The following GALC variants were observed in gnomAD, a reference collection of about 807,000 sequenced individuals.
GALC encodes galactosylceramidase.
GALC carries 77 observed loss-of-function variants against 91.8 expected under a neutral mutation model. The ratio of observed to expected loss-of-function variants is 0.84; its 90% CI spans 0.70 to 1.01. The LOEUF is 1.01. Among genes scored for constraint, GALC ranks in the 50% least tolerant of loss-of-function variants. The probability of loss-of-function intolerance (pLI) is 0.00; values close to 1 mark genes in which losing one functional copy is unlikely to be tolerated. For missense variants in GALC, 882 were observed against 855.9 expected (o/e 1.03, Z -0.38); for synonymous variants, 357 against 306.7 (o/e 1.16, Z -1.71).
At chr14:87,958,325 T>G (rs1756232184) in intron 10 of GALC, among the ~76,000 whole-genome samples, 1 of 152,080 alleles carries the variant, frequency 6.6e-6, no homozygotes. Flanking sequence ...GTCCAATAAG[T>G]TAAGATGTAT....
In GALC at chr14:87,934,177, TTCAAAAGTA is replaced by T; in HGVS notation, c.*546_*554del. On this transcript the variant is annotated 3_prime_UTR_variant, in exon 17 of 17. Transcript: ENST00000261304. ...TCATCCCACTCATCATATCCTGCAT[TTCAAAAGTA>T]TCATCTTAAAAAGGAAAATAAAAAA... The T allele has an allele frequency of 7.2e-7, 1 of 1,397,866 alleles. No homozygotes were observed. The highest frequency in any genetic ancestry group is 1.5e-5 in the African/African-American group (1 of 68,534). 86.6% of individuals were successfully genotyped at this position (1,397,866 alleles called of 1,614,324 possible).
intron 7 of GALC, among the ~76,000 whole-genome samples, chr14:87,972,441 A>C (rs750188961): frequency 6.6e-6 from 1 of 152,136 alleles, no homozygotes; most frequent in Non-Finnish European, 1.5e-5. Context: ...TCAGTAACCA[A>C]GCTTCTTGGG....
At chr14:87,972,825 C>G (rs1422557171) in intron 7 of GALC, among the ~76,000 whole-genome samples, 1 of 151,932 alleles carries the variant, frequency 6.6e-6, no homozygotes. Context: ...CAAAGTATAA[C>G]TGGTGCTTCT....
intron 10 of GALC, chr14:87,954,730 T>A (rs1415384006): frequency 6.4e-7 from 1 of 1,560,598 alleles, no homozygotes; most frequent in African/African-American, 1.4e-5. Context: ...TAGCTCTAAA[T>A]GCTCACAGTT....
At chr14:87,968,518 G>A (rs1293584317) in intron 7 of GALC, 28 bp from the exon 8 acceptor site, 2 of 1,611,420 alleles carry the variant, frequency 1.2e-6, no homozygotes, top group Admixed American at 3.3e-5. Context: ...GGAAGTCAAT[G>A]AAAAAAGGTC....
chr14:87,955,249 A>G (rs888032429), intron 10 of GALC: 2 of 873,998 alleles, frequency 2.3e-6, no homozygotes, highest in Non-Finnish European at 3.9e-6. Flanking sequence ...AAGTACTGAA[A>G]TGATTTGTCT....
At position 87,941,544 on chromosome 14, in the gene GALC, A is replaced by G. The variant is rs398607; in HGVS notation, c.1685T>C (p.Ile562Thr). ...GGTCTCTATGTATACATCACACTTTATAGTCAGATTGGTCCTGCAAAATAA... is the reference window on the plus strand; with the variant it reads ...GGTCTCTATGTATACATCACACTTTGTAGTCAGATTGGTCCTGCAAAATAA... ...IGDYNWTNLT[I>T]KCDVYIETPD... The change falls in exon 15 of 17, where the codon ATA becomes ACA. Residue 562 changes from isoleucine (I) to threonine (T), a missense_variant. By Grantham distance (89) the Ile-to-Thr change is moderately conservative (BLOSUM62 -1). Transcript: ENST00000261304. 733,555 of 1,576,428 alleles carry G rather than the reference A, an allele frequency of 0.47. 174,846 individuals are homozygous for G. The highest frequency in any genetic ancestry group is 0.61 in the African/African-American group (44,866 of 74,040).
intron 8 of GALC, among the ~76,000 whole-genome samples, chr14:87,966,237 T>C (rs1595215938): frequency 6.6e-6 from 1 of 152,324 alleles, no homozygotes; most frequent in East Asian, 1.9e-4. Flanking sequence ...GCCGTAGTAT[T>C]GCTATTAAAT....
Position 87,934,642 on chromosome 14 carries a change from T to C in GALC, c.*90A>G. On this transcript the variant is annotated 3_prime_UTR_variant, in exon 17 of 17. Coordinates refer to ENST00000261304, the MANE Select transcript of GALC (RefSeq NM_000153.4). ...TATTTTTAGTCTCAAAAGCCTCATA[T>C]ACTGTTCCAATGAAACAAGAATTGG... 1 of 1,605,386 alleles carries C rather than the reference T, an allele frequency of 6.2e-7. No homozygotes were observed. Among genetic ancestry groups the C allele is most frequent in the South Asian group, 1.1e-5 (1 of 90,504 alleles).
In GALC at chr14:87,936,914, T is replaced by TATATATATATATATATATATATATATATA. The variant is rs60680373; in HGVS notation, c.1912-2037_1912-2036insTATATATATATATATATATATATATATAT. 1.9e-3 allele frequency among the ~76,000 whole-genome samples: 205 copies of TATATATATATATATATATATATATATATA among 105,562 alleles called. 19 individuals carry two copies. Among genetic ancestry groups the TATATATATATATATATATATATATATATA allele is most frequent in the African/African-American group, 7.1e-3 (182 of 25,528 alleles). The allele number at this position is 105,562 out of a possible 152,430, so 69.3% of individuals were successfully genotyped here. A position where few individuals can be genotyped will look rare whatever the true frequency, so the allele number is the denominator to read the frequency against. On this transcript the variant is annotated intron_variant, in intron 16 of 16. Transcript: ENST00000261304. ...TCAGGTACTATATATATATATATAT[T>TATATATATATATATATATATATATATATA]TATTTATTTTCTCATTGAATCTTCA...
chr14:87,992,818 C>G, intron 1 of GALC, 152 bp downstream of exon 1: 1 of 1,402,754 alleles, frequency 7.1e-7, no homozygotes, highest in Non-Finnish European at 9.2e-7. Context: ...GCAGCGGGCC[C>G]GCCCCAACCG....
chr14:87,985,031 T>A (rs1330341165), intron 4 of GALC, among the ~76,000 whole-genome samples: 1 of 152,208 alleles, frequency 6.6e-6, no homozygotes, highest in Non-Finnish European at 1.5e-5. Flanking sequence ...TCAGGCAATC[T>A]AATTTAGCAA....
intron 4 of GALC, 132 bp from the exon 5 acceptor site, chr14:87,984,665 T>C (rs1378951460): frequency 1.3e-6 from 1 of 793,454 alleles, no homozygotes; most frequent in Non-Finnish European, 2.1e-6. Flanking sequence ...TAAAGGAAAG[T>C]TTATATACCA....
chr14:87,961,542 T>C (rs1595211165), intron 10 of GALC, among the ~76,000 whole-genome samples: 1 of 152,158 alleles, frequency 6.6e-6, no homozygotes, highest in East Asian at 1.9e-4. Flanking sequence ...ATAACAGCCA[T>C]GATGGGGTTC....
chr14:87,965,276 T>G (rs1457010343), intron 9 of GALC, among the ~76,000 whole-genome samples: 2 of 152,112 alleles, frequency 1.3e-5, no homozygotes. Flanking sequence ...CCTTTTCCTC[T>G]CTCTCCCCCT....
intron 1 of GALC, among the ~76,000 whole-genome samples, chr14:87,989,413 T>TA: frequency 6.6e-6 from 1 of 152,134 alleles, no homozygotes; most frequent in South Asian, 2.1e-4. Flanking sequence ...CCCCAGTCCC[T>TA]ACCAGTGAGG....
In GALC at chr14:87,956,407, A is replaced by G. The variant is rs1024888121; in HGVS notation, c.1162-5659T>C. 1.3e-5 allele frequency among the ~76,000 whole-genome samples: 2 copies of G among 151,954 alleles called. 1 individual carries two copies. Among genetic ancestry groups the G allele is most frequent in the South Asian group, 4.1e-4 (2 of 4,822 alleles). The stretch of plus-strand genomic sequence containing the variant: ...CATATATTATATACGAGTTGCTACC[A>G]TATATTATATATAAGGTCCAGTTTC... On this transcript the variant is annotated intron_variant, in intron 10 of 16. Transcript: ENST00000261304.
chr14:87,934,491 G>A lies in GALC; in HGVS notation c.*241C>T. The stretch of plus-strand genomic sequence containing the variant: ...CTCCTAAGGGTATGGCCAATGCACA[G>A]TTTGAATGTTAGGGAACACACCAGG... On this transcript the variant is annotated 3_prime_UTR_variant, in exon 17 of 17. Transcript: ENST00000261304. The A allele has an allele frequency of 1.4e-6, 2 of 1,395,776 alleles. No individual in the cohort carries two copies. The highest frequency in any genetic ancestry group is 1.9e-6 in the Non-Finnish European group (2 of 1,077,092). The allele number at this position is 1,395,776 out of a possible 1,614,324, so 86.5% of individuals were successfully genotyped here.
Position 87,965,632 on chromosome 14 carries a change from A to G in GALC, c.909-3T>C, listed in dbSNP as rs757354530. 6.2e-7 allele frequency: 1 copy of G among 1,613,040 alleles called. No homozygotes were observed. The highest frequency in any genetic ancestry group is 8.5e-7 in the Non-Finnish European group (1 of 1,179,286). On this transcript the variant is annotated splice_polypyrimidine_tract_variant and splice_region_variant and intron_variant, in intron 8 of 16. Transcript: ENST00000261304. Reference sequence around the variant, plus strand: ...CCACTAAATTCCATGCGATTGTGCTAAAAGATTTGATAAAAAAGAAACACC... The same window carrying G: ...CCACTAAATTCCATGCGATTGTGCTGAAAGATTTGATAAAAAAGAAACACC...
Sources: gnomAD v4.1 joint callset for allele counts (sites outside exome capture counted in the v4.1 genomes callset) on GRCh38, gnomAD v4.1.1 for gene constraint, MANE v1.5 for transcripts, NCBI Gene and HGNC (gene_info 2026-07-23, HGNC 2026-07-21) for gene names.